The following TMEM50B variants were observed in gnomAD, a reference collection of about 807,000 sequenced individuals.
TMEM50B encodes the protein transmembrane protein 50B.
TMEM50B carries 14 observed loss-of-function variants against 23.4 expected under a neutral mutation model. The observed-to-expected ratio is 0.60, with a 90% CI of 0.39 to 0.93. TMEM50B has a LOEUF of 0.93. Ranked by LOEUF, TMEM50B falls within the 40% of genes least tolerant of loss-of-function variation. The pLI is 0.00. For synonymous variants in TMEM50B, 64 were observed against 62.3 expected (o/e 1.03, Z -0.13); for missense variants, 159 against 193.0 (o/e 0.82, Z 1.04).
intron 8 of TMEM50B, among the ~76,000 whole-genome samples, chr21:33,438,837 C>A (rs2083982718): frequency 6.6e-6 from 1 of 151,802 alleles, no homozygotes; most frequent in African/African-American, 2.4e-5. Context: ...TCAAGCAATT[C>A]TCCTGCCTCA....
chr21:33,448,766 A>G (rs1252559736), downstream of TMEM50B: 1 of 152,042 alleles, frequency 6.6e-6, no homozygotes, highest in African/African-American at 2.4e-5. Flanking sequence ...AATTAACCAG[A>G]CATAATGACA....
intron 1 of TMEM50B, among the ~76,000 whole-genome samples, chr21:33,476,621 C>T (rs1051559808): frequency 4.5e-4 from 67 of 149,788 alleles, no homozygotes; most frequent in African/African-American, 1.6e-3. Flanking sequence ...ATTAGCTGGG[C>T]GTGGTGGAGG....
At chr21:33,468,525 T>C in intron 2 of TMEM50B, 1 of 390,982 alleles carries the variant, frequency 2.6e-6, no homozygotes, top group Non-Finnish European at 4.6e-6. Flanking sequence ...TATCAGTAAG[T>C]TAAAAATGCT....
chr21:33,453,352 A>G (rs1481912963), intron 6 of TMEM50B, among the ~76,000 whole-genome samples: 1 of 151,996 alleles, frequency 6.6e-6, no homozygotes, highest in Non-Finnish European at 1.5e-5. Flanking sequence ...GGCCTCCCAA[A>G]GTGTTGAGAT....
chr21:33,462,950 T>C (rs867005237), intron 4 of TMEM50B, among the ~76,000 whole-genome samples: 2 of 152,334 alleles, frequency 1.3e-5, no homozygotes, highest in South Asian at 2.1e-4. Context: ...AAATTCTCCA[T>C]GGATTCCAGT....
chr21:33,444,413 C>T (rs1358560359), downstream of TMEM50B, among the ~76,000 whole-genome samples: 2 of 151,854 alleles, frequency 1.3e-5, no homozygotes, highest in Admixed American at 6.6e-5. Flanking sequence ...GGCATGGTGG[C>T]GTGCGTCTGT....
intron 4 of TMEM50B, among the ~76,000 whole-genome samples, chr21:33,462,628 T>C (rs1444392228): frequency 6.6e-5 from 10 of 152,016 alleles, no homozygotes; most frequent in Non-Finnish European, 1.5e-4. Flanking sequence ...GTCATGATCA[T>C]GCCACTGCAC....
chr21:33,476,086 G>A (rs2123464512), intron 1 of TMEM50B, among the ~76,000 whole-genome samples: 1 of 152,226 alleles, frequency 6.6e-6, no homozygotes, highest in East Asian at 1.9e-4. Flanking sequence ...TTCTGTTCCA[G>A]CCTCTAAATA....
chr21:33,471,862 C>T (rs2084319598), intron 1 of TMEM50B, among the ~76,000 whole-genome samples: 1 of 150,700 alleles, frequency 6.6e-6, no homozygotes, highest in Non-Finnish European at 1.5e-5. Flanking sequence ...GGTGAAACCC[C>T]GTCTCTACTA....
intron 3 of TMEM50B, 54 bp from the exon 4 acceptor site, chr21:33,465,463 C>G (rs1003934068): frequency 7.4e-7 from 1 of 1,354,832 alleles, no homozygotes; most frequent in African/African-American, 1.4e-5. Flanking sequence ...TTAAAATACT[C>G]AAATATTTAT....
downstream of TMEM50B, among the ~76,000 whole-genome samples, chr21:33,445,766 GAC>G (rs981551265): frequency 2.0e-5 from 3 of 151,604 alleles, no homozygotes; most frequent in South Asian, 2.1e-4. Flanking sequence ...CAGCCTGGAT[GAC>G]AGAGTGAGAC....
At chr21:33,440,976 T>C (rs1333284609) in intron 7 of TMEM50B, among the ~76,000 whole-genome samples, 1 of 152,050 alleles carries the variant, frequency 6.6e-6, no homozygotes, top group African/African-American at 2.4e-5. Context: ...ACACCTGTAA[T>C]CCCAGCATTT....
At chr21:33,470,494 G>A (rs1052574472) in intron 1 of TMEM50B, among the ~76,000 whole-genome samples, 2 of 150,650 alleles carry the variant, frequency 1.3e-5, no homozygotes, top group Non-Finnish European at 2.9e-5. Context: ...CACTTTGGGA[G>A]GCCAAGGCAG....
At chr21:33,448,285 G>A (rs367995039), downstream of TMEM50B, among the ~76,000 whole-genome samples, 12 of 152,124 alleles carry the variant, frequency 7.9e-5, no homozygotes, top group Admixed American at 5.9e-4. Flanking sequence ...GAGCCCCCAC[G>A]CCTGACCACA....
intron 8 of TMEM50B, among the ~76,000 whole-genome samples, chr21:33,434,476 C>T (rs746522416): frequency 8.6e-5 from 13 of 152,046 alleles, no homozygotes; most frequent in African/African-American, 2.7e-4. Context: ...AAGCCAATAT[C>T]GCACCATAGC....
chr21:33,467,661 A>G (rs890353527), intron 2 of TMEM50B, among the ~76,000 whole-genome samples: 3 of 152,182 alleles, frequency 2.0e-5, no homozygotes, highest in African/African-American at 7.2e-5. Flanking sequence ...TTAGCTGGGC[A>G]TGGTGGCATG....
intron 8 of TMEM50B, among the ~76,000 whole-genome samples, chr21:33,434,913 A>G (rs1392621380): frequency 1.3e-5 from 2 of 152,222 alleles, no homozygotes; most frequent in African/African-American, 4.8e-5. Context: ...AGACATGAAC[A>G]GAAAACACAG....
chr21:33,471,562 A>G (rs1277053491), intron 1 of TMEM50B, among the ~76,000 whole-genome samples: 1 of 152,120 alleles, frequency 6.6e-6, no homozygotes, highest in Non-Finnish European at 1.5e-5. Context: ...TAGTAGAGAA[A>G]AGGAAACTAT....
At chr21:33,453,739 TG>T (rs979152763) in intron 6 of TMEM50B, among the ~76,000 whole-genome samples, 1 of 152,098 alleles carries the variant, frequency 6.6e-6, no homozygotes, top group African/African-American at 2.4e-5. Context: ...TAATGATTTA[TG>T]GGGGATGGGG....
Sources: allele counts gnomAD v4.1 joint callset (sites outside exome capture counted in the v4.1 genomes callset), GRCh38; gene constraint gnomAD v4.1.1; transcripts MANE v1.5; gene names NCBI Gene and HGNC (gene_info 2026-07-23, HGNC 2026-07-21).